SLC24A2: variants seen among roughly 807,000 people sequenced by gnomAD.
SLC24A2 encodes the protein solute carrier family 24 member 2, also known as sodium/potassium/calcium exchanger 2.
A neutral mutation model predicts 62.0 loss-of-function variants in SLC24A2; 36 were observed. The ratio of observed to expected loss-of-function variants is 0.58; its 90% confidence interval spans 0.44 to 0.77. The LOEUF (loss-of-function observed/expected upper bound fraction) is 0.77, where lower values mean the gene tolerates loss of function less well. SLC24A2 is among the 30% of genes least tolerant of loss of function. The pLI, the probability that SLC24A2 is intolerant of heterozygous loss-of-function variation, is 0.00. For synonymous variants in SLC24A2, 358 were observed against 294.0 expected (o/e 1.22, Z -2.23); for missense variants, 846 against 817.9 (o/e 1.03, Z -0.42).
the SLC24A2 span, among the ~76,000 whole-genome samples, chr9:20,208,344 T>C: frequency 4.6e-5 from 7 of 152,184 alleles, no homozygotes; most frequent in East Asian, 1.9e-4. Flanking sequence ...GGGGCTCGCA[T>C]AGCACGGCGA....
the SLC24A2 span, among the ~76,000 whole-genome samples, chr9:20,021,145 G>C: frequency 1.1e-4 from 16 of 152,188 alleles, no homozygotes; most frequent in Admixed American, 3.3e-4. Flanking sequence ...TTCACATTAA[G>C]TAACTGTTTT....
the SLC24A2 span, among the ~76,000 whole-genome samples, chr9:20,023,635 A>G: frequency 6.6e-6 from 1 of 152,192 alleles, no homozygotes; most frequent in African/African-American, 2.4e-5. Context: ...AAGAGCACTC[A>G]TATGTGGGAG....
At chr9:19,706,512 T>C (rs1274227473) in intron 2 of SLC24A2, among the ~76,000 whole-genome samples, 1 of 151,872 alleles carries the variant, frequency 6.6e-6, no homozygotes, top group Non-Finnish European at 1.5e-5. Flanking sequence ...CCCGTGTAGC[T>C]GGGACTACAG....
chr9:19,580,630 A>T (rs939913306), intron 5 of SLC24A2, among the ~76,000 whole-genome samples: 5 of 152,216 alleles, frequency 3.3e-5, no homozygotes, highest in African/African-American at 1.2e-4. Flanking sequence ...AGAACAGCAA[A>T]CAAGGTGTGT....
the SLC24A2 span, among the ~76,000 whole-genome samples, chr9:20,018,031 C>G: frequency 6.6e-6 from 1 of 152,186 alleles, no homozygotes; most frequent in African/African-American, 2.4e-5. Flanking sequence ...ACTGCAAACT[C>G]CACCTCCCGG....
chr9:20,066,865 T>A, the SLC24A2 span, among the ~76,000 whole-genome samples: 1 of 152,226 alleles, frequency 6.6e-6, no homozygotes, highest in Non-Finnish European at 1.5e-5. Flanking sequence ...AGGTAATGAC[T>A]TGTTTCTGTT....
chr9:19,726,778 C>A (rs1821184067), intron 2 of SLC24A2, among the ~76,000 whole-genome samples: 1 of 152,148 alleles, frequency 6.6e-6, no homozygotes, highest in African/African-American at 2.4e-5. Context: ...AATATTTTTG[C>A]ACCCTGTAGA....
the SLC24A2 span, among the ~76,000 whole-genome samples, chr9:19,829,057 C>A: frequency 6.6e-6 from 1 of 152,082 alleles, no homozygotes; most frequent in East Asian, 1.9e-4. Context: ...CATCTTTAAC[C>A]CTTTGCTCGA....
chr9:19,809,801 A>AT, the SLC24A2 span, among the ~76,000 whole-genome samples: 1 of 152,084 alleles, frequency 6.6e-6, no homozygotes, highest in African/African-American at 2.4e-5. Flanking sequence ...AAACCTGACT[A>AT]TAACTTCCGT....
chr9:20,001,652 G>C, the SLC24A2 span, among the ~76,000 whole-genome samples: 1 of 152,160 alleles, frequency 6.6e-6, no homozygotes, highest in Non-Finnish European at 1.5e-5. Flanking sequence ...CCAACTTTGA[G>C]GCCTGCTTGC....
the SLC24A2 span, among the ~76,000 whole-genome samples, chr9:20,115,506 C>A: frequency 7.8e-3 from 1,189 of 152,220 alleles, 8 homozygotes; most frequent in South Asian, 0.028. Context: ...AAGTACCCAG[C>A]AAGCCAAATC....
At chr9:20,190,855 C>G in the SLC24A2 span, among the ~76,000 whole-genome samples, 1 of 152,142 alleles carries the variant, frequency 6.6e-6, no homozygotes, top group African/African-American at 2.4e-5. Flanking sequence ...AAAAATGGTA[C>G]CTATTCACAG....
At chr9:19,579,074 G>A (rs1275041854) in intron 5 of SLC24A2, among the ~76,000 whole-genome samples, 2 of 152,186 alleles carry the variant, frequency 1.3e-5, no homozygotes, top group Non-Finnish European at 2.9e-5. Flanking sequence ...CATGAGGAAT[G>A]TTGAAGGTCA....
chr9:20,305,404 C>T, the SLC24A2 span, among the ~76,000 whole-genome samples: 121 of 152,074 alleles, frequency 8.0e-4, no homozygotes, highest in African/African-American at 2.5e-3. Flanking sequence ...CGCGCCCAGC[C>T]GATAATACCA....
At chr9:20,174,930 G>C in the SLC24A2 span, among the ~76,000 whole-genome samples, 5 of 151,734 alleles carry the variant, frequency 3.3e-5, 1 homozygote, top group East Asian at 9.7e-4. Context: ...ATTCACAATT[G>C]CAAAAATGTG....
the SLC24A2 span, among the ~76,000 whole-genome samples, chr9:19,829,087 C>T: frequency 6.6e-6 from 1 of 152,182 alleles, no homozygotes; most frequent in African/African-American, 2.4e-5. Context: ...GGTCTCTACA[C>T]AAGAAATCTA....
chr9:19,534,732 G>C (rs12006241), intron 8 of SLC24A2, among the ~76,000 whole-genome samples: 2 of 152,014 alleles, frequency 1.3e-5, no homozygotes, highest in Admixed American at 1.3e-4. Flanking sequence ...TGTATATGTG[G>C]CACATTTTCT....
At chr9:19,660,577 A>G (rs1189811916) in intron 2 of SLC24A2, among the ~76,000 whole-genome samples, 2 of 152,276 alleles carry the variant, frequency 1.3e-5, no homozygotes, top group African/African-American at 4.8e-5. Context: ...GTAAAGAGAA[A>G]GATTGAGGGA....
chr9:19,900,633 G>C, the SLC24A2 span, among the ~76,000 whole-genome samples: 1 of 152,190 alleles, frequency 6.6e-6, no homozygotes, highest in African/African-American at 2.4e-5. Context: ...ATAATTAAAT[G>C]AAACAAAGTA....
Sources: allele counts gnomAD v4.1 joint callset (sites outside exome capture counted in the v4.1 genomes callset), GRCh38; gene constraint gnomAD v4.1.1; transcripts MANE v1.5; gene names NCBI Gene and HGNC (gene_info 2026-07-23, HGNC 2026-07-21).